The following ARID1B variants were observed in gnomAD, a reference collection of about 807,000 sequenced individuals.
ARID1B encodes AT-rich interaction domain 1B.
ARID1B carries 30 observed loss-of-function variants against 212.3 expected under a neutral mutation model. That is an observed-to-expected ratio of 0.14 (90% CI 0.11 to 0.19). The LOEUF (loss-of-function observed/expected upper bound fraction) is 0.19, where lower values mean the gene tolerates loss of function less well. ARID1B is among the 10% of genes least tolerant of loss of function. The probability of loss-of-function intolerance (pLI) is 1.00; values close to 1 mark genes in which losing one functional copy is unlikely to be tolerated. For synonymous variants in ARID1B, 1,402 were observed against 1,301.7 expected (o/e 1.08, Z -1.66); for missense variants, 2,891 against 3,204.0 (o/e 0.90, Z 2.36).
intron 2 of ARID1B, among the ~76,000 whole-genome samples, chr6:156,860,985 A>G (rs1355163546): frequency 6.6e-6 from 1 of 152,248 alleles, no homozygotes; most frequent in Non-Finnish European, 1.5e-5. Flanking sequence ...GGAAAAAGAT[A>G]CACATTCCAG....
At chr6:156,950,325 C>G (rs1793487720) in intron 4 of ARID1B, among the ~76,000 whole-genome samples, 1 of 152,194 alleles carries the variant, frequency 6.6e-6, no homozygotes, top group Admixed American at 6.5e-5. Context: ...GTAATAGGAG[C>G]AACCAGCCAT....
chr6:157,091,997 G>A (rs1388342659), intron 5 of ARID1B, among the ~76,000 whole-genome samples: 2 of 152,122 alleles, frequency 1.3e-5, no homozygotes, highest in African/African-American at 4.8e-5. Flanking sequence ...GCAACAGCTT[G>A]TTGCAAGGAA....
intron 2 of ARID1B, among the ~76,000 whole-genome samples, chr6:156,879,037 A>G (rs1261772839): frequency 6.6e-6 from 1 of 152,194 alleles, no homozygotes; most frequent in Non-Finnish European, 1.5e-5. Flanking sequence ...TTGAGGGCGG[A>G]ACTACAGCTT....
intron 4 of ARID1B, among the ~76,000 whole-genome samples, chr6:156,972,682 T>C (rs1440299863): frequency 6.6e-6 from 1 of 152,122 alleles, no homozygotes; most frequent in African/African-American, 2.4e-5. Flanking sequence ...CATTCTCCCC[T>C]TGGTAATATG....
At chr6:157,067,677 G>A (rs79109245) in intron 4 of ARID1B, among the ~76,000 whole-genome samples, 4,121 of 152,210 alleles carry the variant, frequency 0.027, 98 homozygotes, top group Non-Finnish European at 0.036. Flanking sequence ...GCATTTTTCC[G>A]CATGTGTGGT....
At chr6:157,171,105 G>A (rs567558682) in intron 9 of ARID1B, among the ~76,000 whole-genome samples, 1 of 152,274 alleles carries the variant, frequency 6.6e-6, no homozygotes, top group East Asian at 1.9e-4. Context: ...GTTGAAGTTC[G>A]GTTTGACTCA....
intron 7 of ARID1B, among the ~76,000 whole-genome samples, chr6:157,146,794 CA>C (rs1268333034): frequency 6.6e-6 from 1 of 152,078 alleles, no homozygotes; most frequent in Non-Finnish European, 1.5e-5. Flanking sequence ...GAAAGGCTTC[CA>C]AAAAATAGTA....
rs371536009 is a variant in ARID1B at position 156,864,809 on chromosome 6, C to A, written c.1986+35388C>A. 3.4e-4 allele frequency among the ~76,000 whole-genome samples: 51 copies of A among 152,080 alleles called. No individual in the cohort carries two copies. The South Asian group carries it at 9.6e-3, about 29-fold the overall frequency. On this transcript the variant is annotated intron_variant, in intron 2 of 19. Transcript: ENST00000636930. Reference sequence around the variant, plus strand: ...TCTCATCCTCCTAGTGTAGACTTGCCGGAATTGTGGTTTGATCAGTCTGGT... The same window carrying A: ...TCTCATCCTCCTAGTGTAGACTTGCAGGAATTGTGGTTTGATCAGTCTGGT...
chr6:156,840,324 T>C (rs916397302), intron 2 of ARID1B, among the ~76,000 whole-genome samples: 1 of 152,242 alleles, frequency 6.6e-6, no homozygotes, highest in African/African-American at 2.4e-5. Flanking sequence ...TCCCACTGCC[T>C]CCTGCCCTGT....
chr6:157,004,759 C>G (rs1489085255), intron 4 of ARID1B, among the ~76,000 whole-genome samples: 1 of 152,148 alleles, frequency 6.6e-6, no homozygotes, highest in African/African-American at 2.4e-5. Flanking sequence ...GGAAAGTACA[C>G]ACTTTGTACC....
chr6:157,042,931 G>A (rs1275467778), intron 4 of ARID1B, among the ~76,000 whole-genome samples: 1 of 152,144 alleles, frequency 6.6e-6, no homozygotes, highest in African/African-American at 2.4e-5. Context: ...AAAGTGCTGG[G>A]ATTACAGGCA....
chr6:156,901,698 C>G, intron 3 of ARID1B, 173 bp downstream of exon 3: 1 of 860,622 alleles, frequency 1.2e-6, no homozygotes, highest in South Asian at 1.9e-5. Flanking sequence ...CCGTCTTTTC[C>G]CCTTTTGAGA....
At chr6:156,938,372 A>G (rs1792424392) in intron 4 of ARID1B, 1 of 152,154 alleles carries the variant, frequency 6.6e-6, no homozygotes, top group African/African-American at 2.4e-5. Context: ...ATTTGTTATC[A>G]CATCTGAATT....
At chr6:156,940,339 C>T (rs6901717) in intron 4 of ARID1B, 1 of 152,006 alleles carries the variant, frequency 6.6e-6, no homozygotes, top group Non-Finnish European at 1.5e-5. Context: ...GGCATGAAAA[C>T]GGTTTGATCT....
At chr6:157,171,205 A>G (rs749921250) in intron 9 of ARID1B, among the ~76,000 whole-genome samples, 1 of 152,244 alleles carries the variant, frequency 6.6e-6, no homozygotes, top group African/African-American at 2.4e-5. Flanking sequence ...ACTTTAAGAA[A>G]TCGTTCTAGT....
intron 4 of ARID1B, among the ~76,000 whole-genome samples, chr6:156,987,993 G>C (rs10485202): frequency 0.27 from 40,391 of 152,118 alleles, 5,829 homozygotes; most frequent in Non-Finnish European, 0.32. Context: ...GGGGATAATG[G>C]AATATCGTGG....
chr6:157,048,947 G>A (rs1782414195), intron 4 of ARID1B, among the ~76,000 whole-genome samples: 1 of 152,124 alleles, frequency 6.6e-6, no homozygotes, highest in South Asian at 2.1e-4. Context: ...ACTGAGGCGG[G>A]CAGATCACTT....
chr6:157,079,279 C>T (rs779399135), intron 4 of ARID1B, among the ~76,000 whole-genome samples: 2 of 152,084 alleles, frequency 1.3e-5, no homozygotes, highest in Non-Finnish European at 2.9e-5. Context: ...AACTCATTTG[C>T]TGTCTAGACA....
At chr6:156,970,058 TTG>T (rs1301672419) in intron 4 of ARID1B, among the ~76,000 whole-genome samples, 1 of 151,302 alleles carries the variant, frequency 6.6e-6, no homozygotes, top group African/African-American at 2.4e-5. Context: ...TTTGTTTTTT[TTG>T]TGTGTTTTGT....
Sources: allele counts gnomAD v4.1 joint callset (sites outside exome capture counted in the v4.1 genomes callset), GRCh38; gene constraint gnomAD v4.1.1; transcripts MANE v1.5; gene names NCBI Gene and HGNC (gene_info 2026-07-23, HGNC 2026-07-21).